SP110: variants seen among roughly 807,000 people sequenced by gnomAD.
SP110 encodes the protein SP110 nuclear body protein, also known as interferon-induced protein 41, 30kD.
A neutral mutation model predicts 92.7 loss-of-function variants in SP110; 62 were observed. The ratio of observed to expected loss-of-function variants is 0.67; its 90% CI spans 0.55 to 0.83. The LOEUF is 0.83. Ranked by LOEUF, SP110 falls within the 40% of genes least tolerant of loss-of-function variation. The pLI is 0.00. For synonymous variants in SP110, 273 were observed against 305.3 expected (o/e 0.89, Z 1.10); for missense variants, 793 against 863.9 (o/e 0.92, Z 1.03).
At chr2:230,209,208 A>T (rs2044198988) in intron 7 of SP110, among the ~76,000 whole-genome samples, 1 of 152,168 alleles carries the variant, frequency 6.6e-6, no homozygotes, top group Non-Finnish European at 1.5e-5. Flanking sequence ...GGTTTGAATG[A>T]CGATAGGGTC....
At chr2:230,213,340 T>C (rs892339396) in intron 3 of SP110, among the ~76,000 whole-genome samples, 2 of 152,238 alleles carry the variant, frequency 1.3e-5, no homozygotes, top group Non-Finnish European at 2.9e-5. Flanking sequence ...TGGTGTCATA[T>C]AATTTAGTCA....
chr2:230,201,030 C>A, intron 9 of SP110, 65 bp from the exon 10 acceptor site: 1 of 1,267,498 alleles, frequency 7.9e-7, no homozygotes, highest in Non-Finnish European at 1.2e-6. Flanking sequence ...CCCAGAGACC[C>A]AGGAAGGCCC....
intron 12 of SP110, among the ~76,000 whole-genome samples, chr2:230,179,752 G>T (rs2042043295): frequency 6.6e-6 from 1 of 151,742 alleles, no homozygotes; most frequent in Non-Finnish European, 1.5e-5. Flanking sequence ...GGTGAATATA[G>T]CTTTAGGGAA....
chr2:230,183,523 C>G (rs199740034), intron 12 of SP110, 49 bp downstream of exon 12: 58 of 1,246,460 alleles, frequency 4.7e-5, no homozygotes, highest in Admixed American at 1.0e-4. Context: ...CAGCAGAGGC[C>G]AGGGCTCTGG....
chr2:230,221,810 G>A, upstream of SP110: 1 of 1,267,740 alleles, frequency 7.9e-7, no homozygotes, highest in South Asian at 1.3e-5. Context: ...CCAGGCAAAT[G>A]CAAAACAAAC....
intron 14 of SP110, chr2:230,176,533 T>C (rs752314043): frequency 5.7e-6 from 9 of 1,587,322 alleles, no homozygotes; most frequent in South Asian, 3.4e-5. Context: ...AAATTAACTA[T>C]GCAAATTAAT....
chr2:230,173,096 T>G, intron 14 of SP110, 137 bp from the exon 15 acceptor site: 1 of 678,634 alleles, frequency 1.5e-6, no homozygotes, highest in Non-Finnish European at 2.7e-6. Context: ...GGGGAGCTGA[T>G]GCCACCTCCC....
At chr2:230,201,963 T>G (rs2043228906) in intron 9 of SP110, among the ~76,000 whole-genome samples, 1 of 152,222 alleles carries the variant, frequency 6.6e-6, no homozygotes, top group Admixed American at 6.5e-5. Context: ...TAGATATCTG[T>G]GTAAGGCCAG....
chr2:230,173,067 C>T (rs953061870), intron 14 of SP110, 108 bp from the exon 15 acceptor site: 3 of 765,940 alleles, frequency 3.9e-6, no homozygotes, highest in African/African-American at 1.7e-5. Flanking sequence ...AGTGGATATC[C>T]AAACCCAATT....
intron 10 of SP110, among the ~76,000 whole-genome samples, chr2:230,191,215 A>G (rs932407824): frequency 2.0e-5 from 3 of 152,188 alleles, no homozygotes; most frequent in Non-Finnish European, 4.4e-5. Flanking sequence ...ACACCCTAAC[A>G]TCACAATTAA....
intron 11 of SP110, among the ~76,000 whole-genome samples, chr2:230,184,887 G>A (rs1309740043): frequency 6.6e-6 from 1 of 152,196 alleles, no homozygotes; most frequent in Non-Finnish European, 1.5e-5. Context: ...AGCAAACTAT[G>A]GTCTAAGGGC....
rs200317062 is a variant in SP110, at chr2:230,172,965, A to C, written c.1591-6T>G. The stretch of plus-strand genomic sequence containing the variant: ...CATTCATCCGAGTTTTTCCGCTGCA[A>C]GGGCAGATAACGTGGGCACCGCTAG... On this transcript the variant is annotated splice_region_variant and splice_polypyrimidine_tract_variant and intron_variant, in intron 14 of 18. Coordinates refer to ENST00000258381, the MANE Select transcript of SP110 (RefSeq NM_080424.4). The C allele has an allele frequency of 5.6e-6, 9 of 1,601,986 alleles. No individual in the cohort carries two copies. In the East Asian group the frequency reaches 1.8e-4, roughly 32 times the overall value.
At position 230,170,779 on chromosome 2, in the gene SP110, C is replaced by CAG. The variant is rs771033659; in HGVS notation, c.1888-20_1888-19dup. On this transcript the variant is annotated intron_variant, in intron 17 of 18. Transcript: ENST00000258381. The stretch of plus-strand genomic sequence containing the variant: ...TCTCGAATCTTGGGGACAAAGCCAC[C>CAG]AGAGGTGACGTTAGCACAGCTGTCA... The CAG allele has an allele frequency of 1.1e-5, 18 of 1,613,796 alleles. No homozygotes were observed. Among genetic ancestry groups the CAG allele is most frequent in the East Asian group, 6.7e-5 (3 of 44,870 alleles).
At chr2:230,170,043 T>C (rs1231029602) in intron 18 of SP110, among the ~76,000 whole-genome samples, 1 of 152,152 alleles carries the variant, frequency 6.6e-6, no homozygotes, top group African/African-American at 2.4e-5. Flanking sequence ...AAGAAATATC[T>C]GTACAAGTGA....
upstream of SP110, among the ~76,000 whole-genome samples, chr2:230,222,509 AG>A (rs1222223105): frequency 1.3e-5 from 2 of 152,138 alleles, no homozygotes; most frequent in Non-Finnish European, 2.9e-5. Flanking sequence ...GCTTGAGCCC[AG>A]GTGTTTGAGA....
chr2:230,172,193 G>A lies in SP110; in HGVS notation c.1707-19C>T, dbSNP rs771427996. The A allele has an allele frequency of 5.5e-6, 8 of 1,455,710 alleles. No homozygotes were observed. Among genetic ancestry groups the A allele is most frequent in the Non-Finnish European group, 6.8e-6 (7 of 1,034,700 alleles). 90.2% of individuals were successfully genotyped at this position (1,455,710 alleles called of 1,614,324 possible). ...CAGCATCCTGAGAGGTTGGACACAA[G>A]GTGAGCAGAGGGCAAAGCCCCTGGA... On this transcript the variant is annotated intron_variant, in intron 15 of 18. Coordinates refer to ENST00000258381, the MANE Select transcript of SP110 (RefSeq NM_080424.4).
chr2:230,224,431 G>C (rs905647660), upstream of SP110, among the ~76,000 whole-genome samples: 1 of 135,834 alleles, frequency 7.4e-6, no homozygotes, highest in Non-Finnish European at 1.6e-5. Flanking sequence ...TTTAAAGAGG[G>C]AGGGAGAGGG....
chr2:230,201,129 C>A (rs924314892), intron 9 of SP110, among the ~76,000 whole-genome samples, 164 bp from the exon 10 acceptor site: 2 of 152,168 alleles, frequency 1.3e-5, no homozygotes, highest in Non-Finnish European at 2.9e-5. Context: ...GCTCATGACA[C>A]TGTGCCTGTC....
At chr2:230,181,960 A>C (rs2042145740) in intron 12 of SP110, among the ~76,000 whole-genome samples, 1 of 152,270 alleles carries the variant, frequency 6.6e-6, no homozygotes, top group Non-Finnish European at 1.5e-5. Flanking sequence ...TACTGGGTAT[A>C]CACCCAAAGG....
Sources: allele counts gnomAD v4.1 joint callset (sites outside exome capture counted in the v4.1 genomes callset), GRCh38; gene constraint gnomAD v4.1.1; transcripts MANE v1.5; gene names NCBI Gene and HGNC (gene_info 2026-07-23, HGNC 2026-07-21).